The following CTNNA1 variants were observed in gnomAD, a reference collection of about 807,000 sequenced individuals.
CTNNA1 encodes catenin alpha-1.
CTNNA1 carries 37 observed loss-of-function variants against 98.4 expected under a neutral mutation model. The ratio of observed to expected loss-of-function variants is 0.38; its 90% CI spans 0.29 to 0.49. The LOEUF is 0.49. Among genes scored for constraint, CTNNA1 ranks in the 20% least tolerant of loss-of-function variants. The pLI, the probability that CTNNA1 is intolerant of heterozygous loss-of-function variation, is 0.95. For synonymous variants in CTNNA1, 404 were observed against 413.2 expected (o/e 0.98, Z 0.27); for missense variants, 761 against 1,147.2 (o/e 0.66, Z 4.86).
At position 138,828,646 on chromosome 5, in the gene CTNNA1, A is replaced by G. The variant is rs1332680442; in HGVS notation, c.1062+928A>G. Reference sequence around the variant, plus strand: ...TTTTTACCTGTTTAACACCTAAAAAAAAGATCTTGGTTCTTTCTCATTTGT... The same window carrying G: ...TTTTTACCTGTTTAACACCTAAAAAGAAGATCTTGGTTCTTTCTCATTTGT... On this transcript the variant is annotated intron_variant, in intron 7 of 17. Transcript: ENST00000302763. Among the ~76,000 whole-genome samples the G allele has an allele frequency of 3.3e-5, 5 of 152,248 alleles. 1 individual carries two copies. Among genetic ancestry groups the G allele is most frequent in the African/African-American group, 7.2e-5 (3 of 41,464 alleles).
chr5:138,885,811 C>G (rs1753905626), intron 7 of CTNNA1, among the ~76,000 whole-genome samples: 1 of 152,176 alleles, frequency 6.6e-6, no homozygotes, highest in South Asian at 2.1e-4. Context: ...TGACATTCTT[C>G]AGATCTCAGA....
chr5:138,928,340 A>C (rs1764568437), intron 13 of CTNNA1, among the ~76,000 whole-genome samples: 1 of 152,176 alleles, frequency 6.6e-6, no homozygotes, highest in Non-Finnish European at 1.5e-5. Flanking sequence ...AGGACCAGTA[A>C]TCAGTCCCTT....
At chr5:138,886,124 A>T in intron 7 of CTNNA1, 88 bp from the exon 8 acceptor site, 1 of 1,409,050 alleles carries the variant, frequency 7.1e-7, no homozygotes, top group Non-Finnish European at 9.6e-7. Flanking sequence ...CTGCTTTTTC[A>T]GTGTTGACAT....
intron 10 of CTNNA1, among the ~76,000 whole-genome samples, chr5:138,906,943 T>G (rs1223350966): frequency 6.6e-6 from 1 of 152,192 alleles, no homozygotes; most frequent in Non-Finnish European, 1.5e-5. Flanking sequence ...GTGCTTGATT[T>G]TCAGTAAGGC....
intron 9 of CTNNA1, among the ~76,000 whole-genome samples, chr5:138,891,493 G>T (rs1398327116): frequency 6.6e-6 from 1 of 152,130 alleles, no homozygotes; most frequent in Non-Finnish European, 1.5e-5. Context: ...GGGCACTGTG[G>T]CCCATGCCTG....
chr5:138,910,552 A>C (rs1458254042), intron 10 of CTNNA1, among the ~76,000 whole-genome samples: 1 of 151,898 alleles, frequency 6.6e-6, no homozygotes, highest in African/African-American at 2.4e-5. Context: ...CATTGCCTTG[A>C]GACCTTCCTT....
At chr5:138,906,238 T>G (rs1220669085) in intron 10 of CTNNA1, among the ~76,000 whole-genome samples, 2 of 152,144 alleles carry the variant, frequency 1.3e-5, no homozygotes, top group East Asian at 1.9e-4. Context: ...TGATAGACAT[T>G]TTCCCAGTGT....
intron 3 of CTNNA1, among the ~76,000 whole-genome samples, chr5:138,809,730 A>G (rs1758476739): frequency 6.6e-6 from 1 of 151,670 alleles, no homozygotes; most frequent in African/African-American, 2.4e-5. Flanking sequence ...TTTTTTGGAT[A>G]CATATAATGC....
intron 12 of CTNNA1, 47 bp from the exon 13 acceptor site, chr5:138,925,209 G>A: frequency 6.3e-7 from 1 of 1,594,062 alleles, no homozygotes; most frequent in Non-Finnish European, 8.6e-7. Context: ...CCAGGGGAAT[G>A]ATGCTGCCTG....
chr5:138,927,008 C>G (rs889797703), intron 13 of CTNNA1, among the ~76,000 whole-genome samples: 1 of 152,198 alleles, frequency 6.6e-6, no homozygotes, highest in African/African-American at 2.4e-5. Flanking sequence ...TTGTCCCATA[C>G]CTCACATCTG....
chr5:138,930,856 C>T lies in CTNNA1; in HGVS notation c.2219C>T (p.Ser740Leu), dbSNP rs2150337019. 1.2e-6 allele frequency: 2 copies of T among 1,613,056 alleles called. No homozygotes were observed. The highest frequency in any genetic ancestry group is 1.7e-6 in the Non-Finnish European group (2 of 1,178,992). The change falls in exon 16 of 18, where the codon TCG becomes TTG. Residue 740 changes from serine to leucine, a missense_variant. Ser to Leu is a moderately radical substitution (Grantham distance 145). This residue lies in a region of CTNNA1 where 77 missense variants were observed against 198.8 expected (regional missense o/e 0.39). Coordinates refer to ENST00000302763, the MANE Select transcript of CTNNA1 (RefSeq NM_001903.5). ...GGTAAAGGACCACTCAAAAATACAT[C>T]GGATGTCATCAGTGCTGCCAAGAAA... is the stretch of plus-strand genomic sequence containing the variant. ...TRGKGPLKNT[S>L]DVISAAKKIA...
intron 7 of CTNNA1, among the ~76,000 whole-genome samples, chr5:138,862,355 T>G (rs1057206625): frequency 6.6e-6 from 1 of 152,342 alleles, no homozygotes; most frequent in South Asian, 2.1e-4. Flanking sequence ...TACATTTTTT[T>G]CTAAACAAAA....
chr5:138,887,930 G>T (rs1167771250), intron 9 of CTNNA1, among the ~76,000 whole-genome samples: 1 of 152,138 alleles, frequency 6.6e-6, no homozygotes, highest in Admixed American at 6.5e-5. Context: ...CAAAAGATAG[G>T]ATAGAAAGCA....
chr5:138,895,773 C>A (rs557677120), intron 9 of CTNNA1, among the ~76,000 whole-genome samples: 1 of 152,016 alleles, frequency 6.6e-6, no homozygotes, highest in Admixed American at 6.6e-5. Context: ...TGAGGTGATA[C>A]GTGCAAGTTG....
intron 1 of CTNNA1, among the ~76,000 whole-genome samples, chr5:138,763,598 C>T (rs908128833): frequency 6.6e-6 from 1 of 152,174 alleles, no homozygotes; most frequent in Admixed American, 6.6e-5. Flanking sequence ...CCCACCTTGG[C>T]CTCCAAAGTG....
intron 5 of CTNNA1, among the ~76,000 whole-genome samples, chr5:138,814,697 TAA>T (rs1488830454): frequency 6.6e-6 from 1 of 152,230 alleles, no homozygotes; most frequent in African/African-American, 2.4e-5. Flanking sequence ...AAATAAACAT[TAA>T]GATTGCCACT....
chr5:138,882,851 C>T (rs1334697557), intron 7 of CTNNA1, among the ~76,000 whole-genome samples: 3 of 152,186 alleles, frequency 2.0e-5, no homozygotes, highest in Non-Finnish European at 2.9e-5. Context: ...TTTTTTGAGA[C>T]GGAGTCTCGC....
At chr5:138,758,381 GTTT>G (rs891028149) in intron 1 of CTNNA1, among the ~76,000 whole-genome samples, 6 of 134,496 alleles carry the variant, frequency 4.5e-5, no homozygotes, top group African/African-American at 1.7e-4. Flanking sequence ...TTTTTTGTTT[GTTT>G]GTTGTTGTTG....
At chr5:138,906,197 T>C (rs1759220701) in intron 10 of CTNNA1, among the ~76,000 whole-genome samples, 1 of 152,190 alleles carries the variant, frequency 6.6e-6, no homozygotes, top group African/African-American at 2.4e-5. Context: ...TTAATATTAC[T>C]GTGATGGACC....
Sources: gnomAD v4.1 joint callset for allele counts (sites outside exome capture counted in the v4.1 genomes callset) on GRCh38, gnomAD v4.1.1 for gene constraint, gnomAD v4.1.1 regional missense constraint, MANE v1.5 for transcripts, NCBI Gene and HGNC (gene_info 2026-07-23, HGNC 2026-07-21) for gene names.